The following EYS variants were observed in gnomAD, a reference collection of about 807,000 sequenced individuals.
EYS encodes the protein EGF-like photoreceptor maintenance factor, also known as protein eyes shut homolog.
Under a neutral mutation model 282.1 loss-of-function variants are expected in EYS, and 250 were observed. The ratio of observed to expected loss-of-function variants is 0.89; its 90% CI spans 0.80 to 0.98. The LOEUF is 0.98. EYS is among the 50% of genes least tolerant of loss of function. The probability of loss-of-function intolerance (pLI) is 0.00; values close to 1 mark genes in which losing one functional copy is unlikely to be tolerated. For missense variants in EYS, 4,016 were observed against 3,709.0 expected (o/e 1.08, Z -2.15); for synonymous variants, 1,355 against 1,282.9 (o/e 1.06, Z -1.20).
chr6:64,833,605 A>G (rs1026870785), intron 19 of EYS, among the ~76,000 whole-genome samples: 7 of 151,954 alleles, frequency 4.6e-5, no homozygotes, highest in Non-Finnish European at 7.4e-5. Flanking sequence ...ATATAACAAC[A>G]AAAATGTGTC....
At chr6:64,651,986 A>G (rs1768577548) in intron 22 of EYS, among the ~76,000 whole-genome samples, 1 of 152,222 alleles carries the variant, frequency 6.6e-6, no homozygotes, top group Admixed American at 6.5e-5. Flanking sequence ...AGGCACTCCA[A>G]GTGTACTGGT....
At chr6:63,809,869 G>C (rs1384535644) in intron 36 of EYS, among the ~76,000 whole-genome samples, 1 of 152,004 alleles carries the variant, frequency 6.6e-6, no homozygotes, top group East Asian at 1.9e-4. Context: ...CATTTACTAA[G>C]GCAAATTTTT....
intron 12 of EYS, among the ~76,000 whole-genome samples, chr6:65,218,083 G>A (rs189711011): frequency 1.3e-5 from 2 of 152,088 alleles, no homozygotes; most frequent in Admixed American, 6.6e-5. Flanking sequence ...ACTAGATCTG[G>A]GGGCTATGTG....
At chr6:64,890,335 AC>A (rs1465381887) in intron 18 of EYS, among the ~76,000 whole-genome samples, 2 of 152,208 alleles carry the variant, frequency 1.3e-5, no homozygotes, top group African/African-American at 4.8e-5. Flanking sequence ...GATGTCTGTA[AC>A]CCACACCTAT....
intron 39 of EYS, among the ~76,000 whole-genome samples, chr6:63,782,271 A>T (rs1466815231): frequency 6.6e-6 from 1 of 152,196 alleles, no homozygotes; most frequent in Non-Finnish European, 1.5e-5. Flanking sequence ...TCATAAAATG[A>T]ATTAGGGAAG....
intron 29 of EYS, among the ~76,000 whole-genome samples, chr6:64,331,660 A>C (rs1011135645): frequency 4.0e-5 from 6 of 150,878 alleles, no homozygotes; most frequent in Non-Finnish European, 1.5e-5. Flanking sequence ...TGCATTAGAG[A>C]CTCTTGTAGG....
chr6:63,859,236 G>C (rs767581104), intron 36 of EYS, among the ~76,000 whole-genome samples: 1 of 151,886 alleles, frequency 6.6e-6, no homozygotes, highest in East Asian at 1.9e-4. Flanking sequence ...TGCCCATTAT[G>C]TGTTAAGCAC....
At chr6:64,460,244 A>G (rs1335215399) in intron 26 of EYS, among the ~76,000 whole-genome samples, 5 of 152,220 alleles carry the variant, frequency 3.3e-5, no homozygotes, top group African/African-American at 4.8e-5. Context: ...TAGTTATGTT[A>G]TATAGCCTTC....
At chr6:65,045,209 A>G (rs1773066009) in intron 13 of EYS, among the ~76,000 whole-genome samples, 2 of 151,888 alleles carry the variant, frequency 1.3e-5, no homozygotes. Flanking sequence ...TCCTAAGTCC[A>G]CAATATCTTA....
intron 12 of EYS, among the ~76,000 whole-genome samples, chr6:65,121,117 G>A (rs543582484): frequency 1.3e-5 from 2 of 152,010 alleles, no homozygotes; most frequent in East Asian, 1.9e-4. Context: ...GGGGAGCAGA[G>A]GCACATGAGA....
intron 29 of EYS, among the ~76,000 whole-genome samples, chr6:64,327,526 G>T (rs1356785039): frequency 1.3e-5 from 2 of 152,080 alleles, no homozygotes; most frequent in Non-Finnish European, 2.9e-5. Flanking sequence ...AATGGGCCAA[G>T]TGTTCCGGGT....
chr6:64,727,815 G>A (rs528837958), intron 22 of EYS, among the ~76,000 whole-genome samples: 5 of 152,200 alleles, frequency 3.3e-5, no homozygotes, highest in Admixed American at 3.3e-4. Flanking sequence ...CATAGATTTT[G>A]TAAAATAACT....
chr6:64,892,882 C>A (rs935463555), intron 18 of EYS, among the ~76,000 whole-genome samples: 3 of 152,030 alleles, frequency 2.0e-5, no homozygotes, highest in African/African-American at 7.2e-5. Flanking sequence ...ATTAACCAAT[C>A]ACTTTTAAAT....
rs144269889 is a variant in EYS, at chr6:65,650,114, G to C, written c.-447-10222C>G. Among the ~76,000 whole-genome samples, 417 of 152,254 alleles carry C rather than the reference G, an allele frequency of 2.7e-3. 2 individuals carry two copies. Among genetic ancestry groups the C allele is most frequent in the African/African-American group, 9.6e-3 (399 of 41,554 alleles). On this transcript the variant is annotated intron_variant, in intron 1 of 42. Coordinates refer to ENST00000503581, the MANE Select transcript of EYS (RefSeq NM_001142800.2). Reference sequence around the variant, plus strand: ...ATGAAGGGAAAGCAGTTTTTTATCTGAGTATTCTCAGTGTTATCTGAGCAT... The same window carrying C: ...ATGAAGGGAAAGCAGTTTTTTATCTCAGTATTCTCAGTGTTATCTGAGCAT...
intron 1 of EYS, among the ~76,000 whole-genome samples, chr6:65,682,956 G>T (rs904620387): frequency 5.9e-5 from 9 of 151,866 alleles, no homozygotes; most frequent in African/African-American, 2.2e-4. Flanking sequence ...AATAAGTTGG[G>T]CTTTATTTGT....
At chr6:65,628,850 C>A (rs534596108) in intron 2 of EYS, among the ~76,000 whole-genome samples, 2 of 152,302 alleles carry the variant, frequency 1.3e-5, no homozygotes, top group African/African-American at 4.8e-5. Flanking sequence ...GACCAAGAAC[C>A]CACCAATTCC....
chr6:63,828,461 G>C (rs1204355520), intron 36 of EYS, among the ~76,000 whole-genome samples: 1 of 152,122 alleles, frequency 6.6e-6, no homozygotes, highest in African/African-American at 2.4e-5. Flanking sequence ...ACCTAGAAGA[G>C]ATGGATAAAT....
intron 14 of EYS, among the ~76,000 whole-genome samples, chr6:64,968,191 G>T (rs1770162570): frequency 6.6e-6 from 1 of 151,892 alleles, no homozygotes; most frequent in Admixed American, 6.6e-5. Flanking sequence ...ATAAATATGG[G>T]TATTTATTAT....
rs117230391 is a variant in EYS, at chr6:64,334,613, T to C, written c.6079-27531A>G. On this transcript the variant is annotated intron_variant, in intron 29 of 42. Coordinates refer to ENST00000503581, the MANE Select transcript of EYS (RefSeq NM_001142800.2). ...AGGTTGCAAGCAGTTCTGGAGATTA[T>C]AGTCAGTGAAACAGCCCGAGCCTTA... Among the ~76,000 whole-genome samples the C allele has an allele frequency of 3.1e-4, 47 of 152,216 alleles. No individual in the cohort carries two copies. The East Asian group carries it at 8.9e-3, about 29-fold the overall frequency.
Sources: gnomAD v4.1 joint callset for allele counts (sites outside exome capture counted in the v4.1 genomes callset) on GRCh38, gnomAD v4.1.1 for gene constraint, MANE v1.5 for transcripts, NCBI Gene and HGNC (gene_info 2026-07-23, HGNC 2026-07-21) for gene names.